Variants in PHACTR1 observed in about 807,000 individuals in gnomAD.
PHACTR1 encodes RPEL repeat containing 1.
Under a neutral mutation model 69.2 loss-of-function variants are expected in PHACTR1, and 16 were observed. That is an observed-to-expected ratio of 0.23 (90% confidence interval 0.16 to 0.35). The LOEUF (loss-of-function observed/expected upper bound fraction) is 0.35, where lower values mean the gene tolerates loss of function less well. Ranked by LOEUF, PHACTR1 falls within the 10% of genes least tolerant of loss-of-function variation. PHACTR1 has a pLI of 1.00. For synonymous variants in PHACTR1, 312 were observed against 284.5 expected (o/e 1.10, Z -0.97); for missense variants, 510 against 734.7 (o/e 0.69, Z 3.54).
chr6:13,138,803 G>T (rs1223523), intron 5 of PHACTR1, among the ~76,000 whole-genome samples: 141,978 of 152,216 alleles, frequency 0.93, 66,793 homozygotes, highest in Non-Finnish European at 0.99. Flanking sequence ...GTATGTTCAT[G>T]AGGAAAATGT....
At chr6:12,723,509 A>C (rs959443612) in intron 3 of PHACTR1, among the ~76,000 whole-genome samples, 1 of 90,874 alleles carries the variant, frequency 1.1e-5, no homozygotes, top group African/African-American at 4.0e-5. Context: ...TTTTTTTGAG[A>C]GAGAGAGAGG....
chr6:13,048,915 A>T (rs1438894600), intron 4 of PHACTR1, among the ~76,000 whole-genome samples: 1 of 152,224 alleles, frequency 6.6e-6, no homozygotes, highest in Non-Finnish European at 1.5e-5. Flanking sequence ...TCATTATCTG[A>T]TGGCAAAGCT....
intron 4 of PHACTR1, among the ~76,000 whole-genome samples, chr6:12,874,822 G>A (rs1332841): frequency 4.6e-5 from 7 of 152,064 alleles, no homozygotes; most frequent in East Asian, 3.9e-4. Context: ...ATAAGAAAAC[G>A]CACCTGAATG....
intron 4 of PHACTR1, among the ~76,000 whole-genome samples, chr6:12,792,523 A>T (rs1772453469): frequency 6.6e-6 from 1 of 151,234 alleles, no homozygotes; most frequent in Non-Finnish European, 1.5e-5. Context: ...CTGAAAAAAT[A>T]AAAATATATA....
At chr6:12,773,354 A>G (rs1462861418) in intron 4 of PHACTR1, among the ~76,000 whole-genome samples, 1 of 152,202 alleles carries the variant, frequency 6.6e-6, no homozygotes, top group African/African-American at 2.4e-5. Context: ...CGTCAACTCA[A>G]TATTTTAACA....
At position 12,798,429 on chromosome 6, in the gene PHACTR1, T is replaced by A. The variant is rs1425559346; in HGVS notation, c.250+48639T>A. ...AAAGAGGTAGGAAGTGATTTAAGATTTCAAGGGATTAATGACTCAAAAAGG... is the reference window on the plus strand; with the variant it reads ...AAAGAGGTAGGAAGTGATTTAAGATATCAAGGGATTAATGACTCAAAAAGG... On this transcript the variant is annotated intron_variant, in intron 4 of 14. Transcript: ENST00000332995. 2.6e-5 allele frequency among the ~76,000 whole-genome samples: 4 copies of A among 151,874 alleles called. No homozygotes were observed. In the East Asian group the frequency reaches 7.8e-4, roughly 30 times the overall value.
At chr6:12,933,496 C>T in intron 4 of PHACTR1, 1 of 1,417,192 alleles carries the variant, frequency 7.1e-7, no homozygotes, top group Non-Finnish European at 9.4e-7. Flanking sequence ...AAGATGGACA[C>T]AAAGGCAGCA....
intron 4 of PHACTR1, among the ~76,000 whole-genome samples, chr6:12,825,316 C>CA (rs71552719): frequency 0.097 from 12,708 of 131,108 alleles, 573 homozygotes; most frequent in Middle Eastern, 0.15. Context: ...CTCTCTCTCT[C>CA]AAAAAAAAAA....
intron 8 of PHACTR1, among the ~76,000 whole-genome samples, chr6:13,219,590 G>A (rs927000044): frequency 6.6e-6 from 1 of 152,066 alleles, no homozygotes; most frequent in African/African-American, 2.4e-5. Context: ...TCCTCTTGTC[G>A]CCTATTCTCT....
chr6:12,885,791 T>G (rs1416030977), intron 4 of PHACTR1, among the ~76,000 whole-genome samples: 2 of 152,300 alleles, frequency 1.3e-5, no homozygotes, highest in East Asian at 3.9e-4. Context: ...AACACAATTG[T>G]CCATTTAAAC....
At chr6:13,137,901 A>C (rs1821809310) in intron 5 of PHACTR1, among the ~76,000 whole-genome samples, 1 of 152,228 alleles carries the variant, frequency 6.6e-6, no homozygotes, top group Non-Finnish European at 1.5e-5. Flanking sequence ...AGGGGAGAGA[A>C]TTCTCACCCT....
intron 4 of PHACTR1, among the ~76,000 whole-genome samples, chr6:12,807,091 CAT>C (rs1774433414): frequency 1.3e-5 from 2 of 152,130 alleles, no homozygotes; most frequent in African/African-American, 4.8e-5. Context: ...TTTCCCAAAA[CAT>C]AAAGATCCTG....
intron 3 of PHACTR1, among the ~76,000 whole-genome samples, chr6:12,743,786 C>G (rs1765391501): frequency 6.6e-6 from 1 of 152,212 alleles, no homozygotes; most frequent in Admixed American, 6.5e-5. Context: ...GAATTGAACT[C>G]AGCTCTGCAC....
At chr6:12,959,125 C>G (rs1328604162) in intron 4 of PHACTR1, among the ~76,000 whole-genome samples, 1 of 141,932 alleles carries the variant, frequency 7.0e-6, no homozygotes, top group Non-Finnish European at 1.5e-5. Flanking sequence ...TGCAGTGAGC[C>G]CAGATCTCAC....
chr6:13,224,836 G>A lies in PHACTR1; in HGVS notation c.987-2980G>A, dbSNP rs996671258. 5.3e-4 allele frequency among the ~76,000 whole-genome samples: 80 copies of A among 152,152 alleles called. 1 individual carries two copies. Among genetic ancestry groups the A allele is most frequent in the Non-Finnish European group, 1.6e-4 (11 of 68,038 alleles). On this transcript the variant is annotated intron_variant, in intron 8 of 14. Transcript: ENST00000332995. ...TCTTAGATCCGAGTTTTAGAAAGCC[G>A]CTCCGACAGCTCTGGAGACTGGACT...
chr6:13,167,937 C>T (rs945103702), intron 6 of PHACTR1, among the ~76,000 whole-genome samples: 1 of 152,192 alleles, frequency 6.6e-6, no homozygotes, highest in Non-Finnish European at 1.5e-5. Context: ...AATAAAACTT[C>T]TTCTCTGTAT....
At chr6:12,951,649 T>C (rs1431260868) in intron 4 of PHACTR1, among the ~76,000 whole-genome samples, 1 of 152,090 alleles carries the variant, frequency 6.6e-6, no homozygotes, top group Non-Finnish European at 1.5e-5. Flanking sequence ...CTGGATCAAG[T>C]CCCTGAGGGA....
At chr6:12,719,211 T>C (rs187329176) in intron 3 of PHACTR1, among the ~76,000 whole-genome samples, 39 of 152,346 alleles carry the variant, frequency 2.6e-4, no homozygotes, top group African/African-American at 9.1e-4. Flanking sequence ...TAGGGCATCA[T>C]GACCCAGTGG....
At chr6:12,860,960 T>C (rs965016467) in intron 4 of PHACTR1, among the ~76,000 whole-genome samples, 3 of 152,248 alleles carry the variant, frequency 2.0e-5, no homozygotes, top group Non-Finnish European at 4.4e-5. Flanking sequence ...AGTGGTTTTA[T>C]AATTTCACAC....
Sources: allele counts gnomAD v4.1 joint callset (sites outside exome capture counted in the v4.1 genomes callset), GRCh38; gene constraint gnomAD v4.1.1; transcripts MANE v1.5; gene names NCBI Gene and HGNC (gene_info 2026-07-23, HGNC 2026-07-21).